Variants in REC114 observed in about 807,000 individuals in gnomAD.
The protein encoded by REC114 is REC114 meiotic recombination protein, also known as meiotic recombination protein REC114.
In REC114, 27 loss-of-function variants were observed where a neutral mutation model predicts 31.3. That is an observed-to-expected ratio of 0.86 (90% CI 0.64 to 1.19). REC114 has a LOEUF of 1.19. REC114 is among the 50% of genes most tolerant of loss of function. The probability of loss-of-function intolerance (pLI) is 0.00; values close to 1 mark genes in which losing one functional copy is unlikely to be tolerated. For missense variants in REC114, 344 were observed against 326.9 expected, an observed-to-expected ratio of 1.05 and a Z score of -0.40; for synonymous variants, 134 against 127.7, an observed-to-expected ratio of 1.05 and a Z score of -0.33.
chr15:73,493,805 AC>A (rs1893478641), intron 2 of REC114, among the ~76,000 whole-genome samples: 1 of 152,112 alleles, frequency 6.6e-6, no homozygotes, highest in Admixed American at 6.6e-5. Flanking sequence ...TTATTCATCC[AC>A]CCTTCTGGTA....
chr15:73,465,058 A>AT (rs1182414651), intron 1 of REC114, among the ~76,000 whole-genome samples: 1 of 151,982 alleles, frequency 6.6e-6, no homozygotes, highest in African/African-American at 2.4e-5. Flanking sequence ...CGCCCAGCTA[A>AT]TTTTTGTATT....
At chr15:73,491,229 G>T (rs62015519) in intron 2 of REC114, among the ~76,000 whole-genome samples, 3 of 1,188 alleles carry the variant, frequency 2.5e-3, no homozygotes, top group Non-Finnish European at 0.012. Flanking sequence ...TATTATCTTT[G>T]TGTACTATCT....
chr15:73,557,414 T>TAAAA (rs767116205), intron 5 of REC114, among the ~76,000 whole-genome samples: 1 of 113,192 alleles, frequency 8.8e-6, no homozygotes, highest in African/African-American at 3.2e-5. Flanking sequence ...ATCAGTAGTT[T>TAAAA]AAAAAAAAAA....
At chr15:73,445,435 G>A (rs1892751473) in intron 1 of REC114, among the ~76,000 whole-genome samples, 1 of 152,158 alleles carries the variant, frequency 6.6e-6, no homozygotes, top group Non-Finnish European at 1.5e-5. Context: ...TGTGTTCACT[G>A]GAATAGCATT....
At chr15:73,552,814 CTA>C (rs1198284347) in intron 4 of REC114, among the ~76,000 whole-genome samples, 3 of 152,080 alleles carry the variant, frequency 2.0e-5, no homozygotes, top group Admixed American at 6.6e-5. Context: ...TGTTTTGTCA[CTA>C]TGTTTCTTTT....
intron 2 of REC114, among the ~76,000 whole-genome samples, chr15:73,474,544 T>A (rs928225422): frequency 3.3e-5 from 5 of 152,188 alleles, no homozygotes; most frequent in Non-Finnish European, 7.4e-5. Flanking sequence ...TAAGGGAAAG[T>A]TATTATATCA....
At chr15:73,534,764 G>T (rs1373459800) in intron 2 of REC114, among the ~76,000 whole-genome samples, 12 of 151,780 alleles carry the variant, frequency 7.9e-5, no homozygotes, top group Non-Finnish European at 7.4e-5. Flanking sequence ...GATGAACATT[G>T]ATGCAGAAAT....
At chr15:73,510,934 G>T (rs1297744974) in intron 2 of REC114, among the ~76,000 whole-genome samples, 1 of 152,188 alleles carries the variant, frequency 6.6e-6, no homozygotes, top group Non-Finnish European at 1.5e-5. Flanking sequence ...CCCGGCTTTG[G>T]TATCAGGATG....
chr15:73,497,941 A>G (rs1027190392), intron 2 of REC114, among the ~76,000 whole-genome samples: 3 of 152,228 alleles, frequency 2.0e-5, no homozygotes, highest in African/African-American at 7.2e-5. Flanking sequence ...CTAGAATATC[A>G]TGCAATAGTA....
intron 2 of REC114, among the ~76,000 whole-genome samples, chr15:73,478,436 G>A (rs987011215): frequency 2.0e-5 from 3 of 151,926 alleles, no homozygotes; most frequent in South Asian, 2.1e-4. Context: ...ACTCTTTTTT[G>A]TTCTGTTGAT....
chr15:73,523,638 A>C (rs559629521), intron 2 of REC114, among the ~76,000 whole-genome samples: 1 of 152,250 alleles, frequency 6.6e-6, no homozygotes, highest in Non-Finnish European at 1.5e-5. Context: ...ACTTTTTCTT[A>C]ATCTGTGGCT....
intron 2 of REC114, among the ~76,000 whole-genome samples, chr15:73,491,541 G>T (rs1359026674): frequency 6.6e-6 from 1 of 152,112 alleles, no homozygotes; most frequent in Non-Finnish European, 1.5e-5. Context: ...TTATTGGGTT[G>T]CCCAGTAAGT....
At chr15:73,539,282 ATTTTTTTTTTTT>A (rs753968018) in intron 2 of REC114, among the ~76,000 whole-genome samples, 1 of 70,812 alleles carries the variant, frequency 1.4e-5, no homozygotes, top group Non-Finnish European at 2.4e-5. Context: ...TTCAGAACTG[ATTTTTTTTTTTT>A]TTTTTTTTTT....
chr15:73,464,915 G>A (rs963505889), intron 1 of REC114, among the ~76,000 whole-genome samples: 1 of 151,926 alleles, frequency 6.6e-6, no homozygotes, highest in Non-Finnish European at 1.5e-5. Flanking sequence ...GTTTTGAGAT[G>A]GAGTCTCACT....
chr15:73,513,733 G>T (rs1893811562), intron 2 of REC114, among the ~76,000 whole-genome samples: 1 of 151,892 alleles, frequency 6.6e-6, no homozygotes, highest in Non-Finnish European at 1.5e-5. Flanking sequence ...CCCTGCTGGG[G>T]GGTGCCTCCC....
intron 1 of REC114, among the ~76,000 whole-genome samples, chr15:73,452,070 G>A (rs143906882): frequency 1.3e-5 from 2 of 152,152 alleles, no homozygotes; most frequent in African/African-American, 4.8e-5. Flanking sequence ...TTGATAACTG[G>A]TACAAGACAA....
intron 1 of REC114, among the ~76,000 whole-genome samples, chr15:73,444,008 A>G (rs760093934): frequency 2.6e-5 from 4 of 152,172 alleles, no homozygotes; most frequent in African/African-American, 9.7e-5. Context: ...ACTGTAGTCT[A>G]TTAACTTGTC....
chr15:73,490,360 G>A (rs1477304047), intron 2 of REC114, among the ~76,000 whole-genome samples: 2 of 151,606 alleles, frequency 1.3e-5, no homozygotes, highest in Non-Finnish European at 2.9e-5. Context: ...ATAGTTTTGC[G>A]TGGTTTGTCA....
At chr15:73,476,374 C>T (rs1254379117) in intron 2 of REC114, among the ~76,000 whole-genome samples, 1 of 152,116 alleles carries the variant, frequency 6.6e-6, no homozygotes, top group Non-Finnish European at 1.5e-5. Context: ...ACCCAATTTC[C>T]TTGTGGCTCT....
Sources: gnomAD v4.1 joint callset for allele counts (sites outside exome capture counted in the v4.1 genomes callset) on GRCh38, gnomAD v4.1.1 for gene constraint, MANE v1.5 for transcripts, NCBI Gene and HGNC (gene_info 2026-07-23, HGNC 2026-07-21) for gene names.